PLCB4: variants seen among roughly 807,000 people sequenced by gnomAD.
PLCB4 encodes 1-phosphatidylinositol 4,5-bisphosphate phosphodiesterase beta-4.
PLCB4 carries 77 observed loss-of-function variants against 178.8 expected under a neutral mutation model. The ratio of observed to expected loss-of-function variants is 0.43; its 90% CI spans 0.36 to 0.52. PLCB4 has a LOEUF of 0.52. PLCB4 is among the 20% of genes least tolerant of loss of function. PLCB4 has a pLI of 0.00. For missense variants in PLCB4, 1,024 were observed against 1,453.4 expected (o/e 0.70, Z 4.80); for synonymous variants, 496 against 490.8 (o/e 1.01, Z -0.14).
At chr20:9,394,043 T>C (rs1316705603) in intron 18 of PLCB4, among the ~76,000 whole-genome samples, 1 of 152,208 alleles carries the variant, frequency 6.6e-6, no homozygotes, top group Admixed American at 6.5e-5. Context: ...TGCCCCGTGC[T>C]CTATACCTAT....
At position 9,089,202 on chromosome 20, in the gene PLCB4, TAAGAA is replaced by T. The variant is rs1052341627; in HGVS notation, c.-134-7084_-134-7080del. Among the ~76,000 whole-genome samples the T allele has an allele frequency of 1.6e-4, 25 of 152,072 alleles. 1 individual carries two copies. Among genetic ancestry groups the T allele is most frequent in the African/African-American group, 4.6e-4 (19 of 41,538 alleles). ...CCAGAATTTATAGGTGACAATATGA[TAAGAA>T]GTTACTTTAAAGTTATAAATTTAAT... is the stretch of plus-strand genomic sequence containing the variant. On this transcript the variant is annotated intron_variant, in intron 1 of 39. Transcript: ENST00000378473.
intron 2 of PLCB4, among the ~76,000 whole-genome samples, chr20:9,195,439 G>GAGA (rs1489553792): frequency 6.6e-6 from 1 of 152,238 alleles, no homozygotes; most frequent in Admixed American, 6.5e-5. Flanking sequence ...TTCTAGAAGA[G>GAGA]ATTAGCATTT....
At chr20:9,077,508 C>G (rs1340194351) in intron 1 of PLCB4, among the ~76,000 whole-genome samples, 1 of 152,076 alleles carries the variant, frequency 6.6e-6, no homozygotes, top group Admixed American at 6.6e-5. Flanking sequence ...ATATGGCATA[C>G]CAGGAAGTGA....
At chr20:9,271,178 AT>A (rs1420268184) in intron 3 of PLCB4, among the ~76,000 whole-genome samples, 1 of 152,142 alleles carries the variant, frequency 6.6e-6, no homozygotes, top group Admixed American at 6.6e-5. Context: ...GTGTTCTATG[AT>A]TGTTCATTAC....
At chr20:9,354,151 T>C (rs763074296) in intron 7 of PLCB4, among the ~76,000 whole-genome samples, 1 of 152,232 alleles carries the variant, frequency 6.6e-6, no homozygotes, top group Non-Finnish European at 1.5e-5. Flanking sequence ...ATTGCTTTTA[T>C]GTTGCCTGTA....
chr20:9,356,950 T>G (rs533352369), intron 7 of PLCB4, among the ~76,000 whole-genome samples: 115 of 152,180 alleles, frequency 7.6e-4, no homozygotes, highest in African/African-American at 2.1e-3. Flanking sequence ...ACCCCATCTC[T>G]GCAAAAAATA....
chr20:9,476,337 A>G (rs946223750), intron 38 of PLCB4, among the ~76,000 whole-genome samples: 1 of 150,512 alleles, frequency 6.6e-6, no homozygotes, highest in Non-Finnish European at 1.5e-5. Flanking sequence ...CTGTCTTGAC[A>G]TGTACCATTT....
chr20:9,239,442 C>G (rs1368719161), intron 3 of PLCB4, among the ~76,000 whole-genome samples: 1 of 152,154 alleles, frequency 6.6e-6, no homozygotes, highest in Non-Finnish European at 1.5e-5. Context: ...ACCCCTATAA[C>G]AAAGACAGAT....
chr20:9,165,176 A>G (rs2092949208), intron 2 of PLCB4, among the ~76,000 whole-genome samples: 1 of 152,204 alleles, frequency 6.6e-6, no homozygotes, highest in African/African-American at 2.4e-5. Context: ...GTTCAAAACA[A>G]AAAGTCCAGC....
intron 4 of PLCB4, among the ~76,000 whole-genome samples, chr20:9,327,692 C>T (rs188981908): frequency 2.0e-5 from 3 of 151,924 alleles, no homozygotes; most frequent in Admixed American, 1.3e-4. Context: ...AGGAGTATGG[C>T]GTGAACCCAG....
chr20:9,219,270 C>T (rs1404126359), intron 3 of PLCB4, among the ~76,000 whole-genome samples: 1 of 152,162 alleles, frequency 6.6e-6, no homozygotes, highest in Non-Finnish European at 1.5e-5. Context: ...GAGATTGACA[C>T]CATCCTGGCT....
intron 2 of PLCB4, among the ~76,000 whole-genome samples, chr20:9,187,587 T>C (rs554711236): frequency 3.9e-5 from 6 of 152,218 alleles, no homozygotes; most frequent in Non-Finnish European, 4.4e-5. Flanking sequence ...AAGTATTTCA[T>C]AGGACCGTGA....
chr20:9,425,105 C>T (rs1883488), intron 28 of PLCB4, among the ~76,000 whole-genome samples: 37,314 of 151,070 alleles, frequency 0.25, 9,791 homozygotes, highest in African/African-American at 0.66. Context: ...ATAGAGGTAA[C>T]AACCCATAAA....
At chr20:9,111,977 A>G (rs761101571) in intron 2 of PLCB4, among the ~76,000 whole-genome samples, 8 of 152,158 alleles carry the variant, frequency 5.3e-5, no homozygotes, top group Non-Finnish European at 1.2e-4. Flanking sequence ...AAGGCTCATT[A>G]CCTAAAATTT....
chr20:9,284,542 G>A (rs1483959906), intron 3 of PLCB4, among the ~76,000 whole-genome samples: 1 of 151,942 alleles, frequency 6.6e-6, no homozygotes, highest in Non-Finnish European at 1.5e-5. Flanking sequence ...AATTACATGG[G>A]TTTGAAGAAA....
rs552411524 is a variant in PLCB4 at position 9,098,031 on chromosome 20, G to A, written c.-79+1689G>A. Among the ~76,000 whole-genome samples the A allele has an allele frequency of 3.3e-5, 5 of 152,294 alleles. No homozygotes were observed. In the South Asian group the frequency reaches 1.0e-3, roughly 32 times the overall value. Reference sequence around the variant, plus strand: ...TTACAGAGACCAGAGAGATTGTTGCGAATTTGCTTCAAAATTGGAGTTCAA... The same window carrying A: ...TTACAGAGACCAGAGAGATTGTTGCAAATTTGCTTCAAAATTGGAGTTCAA... On this transcript the variant is annotated intron_variant, in intron 2 of 39. Transcript: ENST00000378473.
chr20:9,195,736 T>C (rs2093463434), intron 2 of PLCB4, among the ~76,000 whole-genome samples: 1 of 152,114 alleles, frequency 6.6e-6, no homozygotes, highest in Non-Finnish European at 1.5e-5. Flanking sequence ...TCCAACAGAT[T>C]GTGGGACTTC....
At position 9,380,142 on chromosome 20, in the gene PLCB4, A is replaced by T. The variant is rs147655952; in HGVS notation, c.833A>T (p.Asp278Val). The change falls in exon 13 of 40, where the codon GAT becomes GTT. Residue 278 changes from aspartate to valine, a missense_variant. This residue lies in a region of PLCB4 where 37 missense variants were observed against 28.6 expected (regional missense o/e 1.30). Coordinates refer to ENST00000378473, the MANE Select transcript of PLCB4 (RefSeq NM_001377142.1). ...AMQIIEMYEP[D>V]EDLKKKGLIS... The stretch of plus-strand genomic sequence containing the variant: ...CAGATCATTGAGATGTATGAACCTG[A>T]TGAAGATTTGAAGAAAAAAGGTAAT... 334 of 1,530,984 alleles carry T rather than the reference A, an allele frequency of 2.2e-4. 1 individual carries two copies. In the African/African-American group the frequency reaches 3.6e-3, roughly 16 times the overall value. The allele number at this position is 1,530,984 out of a possible 1,614,324, so 94.8% of individuals were successfully genotyped here.
intron 4 of PLCB4, among the ~76,000 whole-genome samples, chr20:9,335,865 C>T (rs2032387438): frequency 6.6e-6 from 1 of 152,176 alleles, no homozygotes. Context: ...TACATAAATA[C>T]ATACAGTAAT....
Sources: allele counts gnomAD v4.1 joint callset (sites outside exome capture counted in the v4.1 genomes callset), GRCh38; gene constraint gnomAD v4.1.1; regional missense constraint gnomAD v4.1.1; transcripts MANE v1.5; gene names NCBI Gene and HGNC (gene_info 2026-07-23, HGNC 2026-07-21).